Variants in SLC20A2 observed in about 807,000 individuals in gnomAD.
SLC20A2 encodes sodium-dependent phosphate transporter 2.
In SLC20A2, 30 loss-of-function variants were observed where a neutral mutation model predicts 61.0. The ratio of observed to expected loss-of-function variants is 0.49; its 90% CI spans 0.37 to 0.67. The LOEUF is 0.67. Among genes scored for constraint, SLC20A2 ranks in the 30% least tolerant of loss-of-function variants. The probability of loss-of-function intolerance (pLI) is 0.00; values close to 1 mark genes in which losing one functional copy is unlikely to be tolerated. For missense variants in SLC20A2, 626 were observed against 866.4 expected (o/e 0.72, Z 3.48); for synonymous variants, 351 against 353.3 (o/e 0.99, Z 0.07).
intron 3 of SLC20A2, among the ~76,000 whole-genome samples, chr8:42,464,081 G>C (rs1438177034): frequency 1.1e-5 from 1 of 93,116 alleles, no homozygotes; most frequent in Non-Finnish European, 2.6e-5. Context: ...CCAAAGGGCA[G>C]GCTGGATGAT....
intron 1 of SLC20A2, among the ~76,000 whole-genome samples, chr8:42,495,796 C>T (rs1028561754): frequency 3.2e-4 from 48 of 151,158 alleles, no homozygotes; most frequent in African/African-American, 9.3e-4. Context: ...GTTGCCTAGG[C>T]TGGAGTGCAG....
intron 7 of SLC20A2, 35 bp downstream of exon 7, chr8:42,439,415 T>C (rs1804585571): frequency 6.2e-7 from 1 of 1,606,360 alleles, no homozygotes; most frequent in Non-Finnish European, 8.5e-7. Context: ...TTCTCTGTGC[T>C]GCCACAGAAC....
chr8:42,468,220 A>G (rs1234597219), intron 2 of SLC20A2, among the ~76,000 whole-genome samples: 2 of 152,190 alleles, frequency 1.3e-5, no homozygotes, highest in African/African-American at 2.4e-5. Flanking sequence ...TACAATTAAA[A>G]TAATCTCATG....
chr8:42,461,326 T>A (rs1475402943), intron 4 of SLC20A2, among the ~76,000 whole-genome samples: 1 of 152,210 alleles, frequency 6.6e-6, no homozygotes, highest in Non-Finnish European at 1.5e-5. Flanking sequence ...GACTATGACC[T>A]ATGCCGTTTC....
At chr8:42,530,689 T>C (rs1395189183) in intron 1 of SLC20A2, among the ~76,000 whole-genome samples, 1 of 151,782 alleles carries the variant, frequency 6.6e-6, no homozygotes, top group African/African-American at 2.4e-5. Context: ...AAAAAAAGGG[T>C]GAGGTGACTA....
chr8:42,443,306 T>TA (rs1804946076), intron 6 of SLC20A2, among the ~76,000 whole-genome samples: 1 of 110,742 alleles, frequency 9.0e-6, no homozygotes, highest in Admixed American at 9.8e-5. Context: ...TATATATATA[T>TA]ATAATAAAAT....
At chr8:42,452,269 G>C (rs930175769) in intron 5 of SLC20A2, among the ~76,000 whole-genome samples, 4 of 146,868 alleles carry the variant, frequency 2.7e-5, no homozygotes, top group Non-Finnish European at 6.0e-5. Context: ...AGAGATAGAG[G>C]AGGAAGAGAT....
chr8:42,486,438 C>T (rs1466055382), intron 1 of SLC20A2, among the ~76,000 whole-genome samples: 1 of 152,182 alleles, frequency 6.6e-6, no homozygotes, highest in African/African-American at 2.4e-5. Context: ...CTCAAGCGAT[C>T]CTCCGGCCTT....
At chr8:42,521,650 TG>T (rs1331132763) in intron 1 of SLC20A2, among the ~76,000 whole-genome samples, 2 of 119,576 alleles carry the variant, frequency 1.7e-5, no homozygotes, top group African/African-American at 5.1e-5. Context: ...CCATCACACC[TG>T]GCTGATTTTT....
At position 42,473,010 on chromosome 8, in the gene SLC20A2, T is replaced by C. The variant is rs552658270; in HGVS notation, c.-264-356A>G. ...AAAGATTAAGAAATGAGAAATTTAG[T>C]TGCATGGCTTTTCAAATATGTGGAA... is the stretch of plus-strand genomic sequence containing the variant. On this transcript the variant is annotated intron_variant, in intron 1 of 10. Transcript: ENST00000520262. 5.3e-5 allele frequency among the ~76,000 whole-genome samples: 8 copies of C among 152,356 alleles called. No individual in the cohort carries two copies. The South Asian group carries it at 1.7e-3, about 32-fold the overall frequency.
upstream of SLC20A2, among the ~76,000 whole-genome samples, chr8:42,504,672 T>C (rs1810527521): frequency 1.3e-5 from 2 of 150,336 alleles, no homozygotes; most frequent in African/African-American, 4.9e-5. Flanking sequence ...TGAAACCCTG[T>C]CTCTACTAAA....
chr8:42,528,205 T>A (rs1252385485), intron 1 of SLC20A2, among the ~76,000 whole-genome samples: 1 of 152,148 alleles, frequency 6.6e-6, no homozygotes, highest in Non-Finnish European at 1.5e-5. Flanking sequence ...CTCACACCTG[T>A]AATCCCAGAA....
chr8:42,495,911 G>A (rs377607156), intron 1 of SLC20A2, among the ~76,000 whole-genome samples: 17 of 152,170 alleles, frequency 1.1e-4, no homozygotes, highest in African/African-American at 2.2e-4. Flanking sequence ...CACCACGCCC[G>A]GCTAATTTTT....
intron 1 of SLC20A2, among the ~76,000 whole-genome samples, chr8:42,533,358 G>A (rs1812461412): frequency 6.6e-6 from 1 of 152,126 alleles, no homozygotes; most frequent in Admixed American, 6.5e-5. Flanking sequence ...GCTCACACCT[G>A]TAATCCCAGC....
intron 7 of SLC20A2, among the ~76,000 whole-genome samples, chr8:42,438,063 C>CAA (rs1391262305): frequency 0.017 from 463 of 26,802 alleles, 47 homozygotes; most frequent in East Asian, 0.049. Flanking sequence ...AAAAAAAAAC[C>CAA]AAAAAAAAAA....
intron 1 of SLC20A2, among the ~76,000 whole-genome samples, chr8:42,487,478 A>G (rs2131299455): frequency 6.6e-6 from 1 of 152,110 alleles, no homozygotes; most frequent in South Asian, 2.1e-4. Context: ...TGCCCGGCCT[A>G]TTTTTAAGTG....
chr8:42,530,267 A>G (rs569908280), intron 1 of SLC20A2, among the ~76,000 whole-genome samples: 5 of 152,326 alleles, frequency 3.3e-5, no homozygotes, highest in Admixed American at 6.5e-5. Context: ...TTTTTTCTAC[A>G]TTAGAAATGC....
At chr8:42,439,926 A>G (rs1804637794) in intron 6 of SLC20A2, among the ~76,000 whole-genome samples, 1 of 152,096 alleles carries the variant, frequency 6.6e-6, no homozygotes, top group Non-Finnish European at 1.5e-5. Context: ...CTCTACTAAA[A>G]ATATAAAAAT....
At chr8:42,455,108 C>G (rs1349562796) in intron 5 of SLC20A2, among the ~76,000 whole-genome samples, 2 of 151,058 alleles carry the variant, frequency 1.3e-5, no homozygotes, top group Non-Finnish European at 3.0e-5. Context: ...GTCTTGTAGT[C>G]CCAGCCGCTT....
Sources: allele counts gnomAD v4.1 joint callset (sites outside exome capture counted in the v4.1 genomes callset), GRCh38; gene constraint gnomAD v4.1.1; transcripts MANE v1.5; gene names NCBI Gene and HGNC (gene_info 2026-07-23, HGNC 2026-07-21).